KLF12: variants seen among roughly 807,000 people sequenced by gnomAD.
KLF12 encodes the protein Krueppel-like factor 12.
Under a neutral mutation model 37.8 loss-of-function variants are expected in KLF12, and 9 were observed. The observed-to-expected ratio is 0.24, with a 90% CI of 0.14 to 0.42. The LOEUF is 0.42. Ranked by LOEUF, KLF12 falls within the 10% of genes least tolerant of loss-of-function variation. The pLI, the probability that KLF12 is intolerant of heterozygous loss-of-function variation, is 1.00. For missense variants in KLF12, 411 were observed against 516.0 expected (o/e 0.80, Z 1.97); for synonymous variants, 208 against 202.1 (o/e 1.03, Z -0.25).
intron 6 of KLF12, among the ~76,000 whole-genome samples, chr13:73,762,015 GCTTGCTACCTTTAATTAATTCAATA>G (rs1425317594): frequency 6.6e-6 from 1 of 152,182 alleles, no homozygotes; most frequent in Non-Finnish European, 1.5e-5. Context: ...GTCTGGCCTG[GCTTGCTACCTTTAATTAATTCAATA>G]CTAAATGAGT....
the KLF12 span, among the ~76,000 whole-genome samples, chr13:74,171,980 T>G: frequency 6.6e-6 from 1 of 152,212 alleles, no homozygotes; most frequent in Non-Finnish European, 1.5e-5. Flanking sequence ...CCCACCATTC[T>G]AATGAGGCTA....
intron 1 of KLF12, among the ~76,000 whole-genome samples, chr13:74,051,341 AACACACACACACACACAC>A (rs10678885): frequency 1.4e-5 from 2 of 143,690 alleles, no homozygotes; most frequent in South Asian, 4.6e-4. Context: ...TACACACACA[AACACACACACACACACAC>A]ACACACACAC....
intron 1 of KLF12, among the ~76,000 whole-genome samples, chr13:74,072,385 AT>A (rs1874312876): frequency 1.5e-5 from 2 of 129,606 alleles, no homozygotes; most frequent in African/African-American, 5.5e-5. Context: ...ATATATATAT[AT>A]ATATATATAT....
chr13:74,147,078 A>G, the KLF12 span, among the ~76,000 whole-genome samples: 1 of 152,236 alleles, frequency 6.6e-6, no homozygotes, highest in Non-Finnish European at 1.5e-5. Context: ...CTGAATTGCC[A>G]TTGAAGGCTT....
At chr13:74,182,029 G>T in the KLF12 span, among the ~76,000 whole-genome samples, 8 of 152,148 alleles carry the variant, frequency 5.3e-5, no homozygotes, top group Admixed American at 4.6e-4. Context: ...ATTCACAGTT[G>T]AAATGGCATA....
At chr13:74,175,455 G>A in the KLF12 span, among the ~76,000 whole-genome samples, 167 of 152,286 alleles carry the variant, frequency 1.1e-3, no homozygotes, top group African/African-American at 3.9e-3. Context: ...AATATCTTGT[G>A]CTTCCCATGG....
At chr13:74,036,935 G>A (rs370249930) in intron 1 of KLF12, among the ~76,000 whole-genome samples, 13 of 152,240 alleles carry the variant, frequency 8.5e-5, no homozygotes, top group East Asian at 3.9e-4. Flanking sequence ...GCCAGGAGCC[G>A]TGGCTCACGC....
intron 1 of KLF12, among the ~76,000 whole-genome samples, chr13:74,077,363 G>T (rs1016856436): frequency 1.3e-5 from 2 of 152,010 alleles, no homozygotes; most frequent in African/African-American, 4.8e-5. Flanking sequence ...TCTTTTTCAT[G>T]TTCTTCTATA....
the KLF12 span, among the ~76,000 whole-genome samples, chr13:74,185,880 G>A: frequency 6.6e-6 from 1 of 152,126 alleles, no homozygotes; most frequent in Non-Finnish European, 1.5e-5. Context: ...CTGACCTCAA[G>A]TGATCTGCCT....
intron 4 of KLF12, among the ~76,000 whole-genome samples, chr13:73,829,196 T>A (rs1440126908): frequency 6.6e-6 from 1 of 152,170 alleles, no homozygotes; most frequent in Admixed American, 6.5e-5. Context: ...ATTAATCACA[T>A]GAATAAGTGA....
chr13:74,109,684 G>C (rs953072944), intron 1 of KLF12, among the ~76,000 whole-genome samples: 1 of 152,032 alleles, frequency 6.6e-6, no homozygotes. Flanking sequence ...AAAATAAAAA[G>C]ACAGTTCTTT....
chr13:74,160,803 C>T, the KLF12 span, among the ~76,000 whole-genome samples: 9 of 152,086 alleles, frequency 5.9e-5, no homozygotes, highest in South Asian at 4.1e-4. Flanking sequence ...CAATTTGAGC[C>T]GGGTTTGGCC....
the KLF12 span, among the ~76,000 whole-genome samples, chr13:74,224,710 T>A: frequency 2.0e-5 from 3 of 152,132 alleles, no homozygotes; most frequent in African/African-American, 7.2e-5. Flanking sequence ...ATTTTCTTCC[T>A]CTCAAACTGT....
chr13:73,805,610 A>G (rs112713037), intron 5 of KLF12, among the ~76,000 whole-genome samples: 15,552 of 66,746 alleles, frequency 0.23, 2,629 homozygotes, highest in East Asian at 0.56. Flanking sequence ...TGTCAGAAGG[A>G]AGGGAGGGAG....
intron 3 of KLF12, among the ~76,000 whole-genome samples, chr13:73,917,817 C>T (rs1404510520): frequency 6.6e-6 from 1 of 152,054 alleles, no homozygotes; most frequent in East Asian, 1.9e-4. Context: ...AGCATCTAGG[C>T]CAATGTCTTG....
chr13:73,924,377 G>C (rs1889276736), intron 3 of KLF12, among the ~76,000 whole-genome samples: 1 of 152,020 alleles, frequency 6.6e-6, no homozygotes, highest in Admixed American at 6.6e-5. Flanking sequence ...TTACATTTTG[G>C]TTTAGTAATT....
chr13:74,177,569 G>C, the KLF12 span, among the ~76,000 whole-genome samples: 1 of 152,046 alleles, frequency 6.6e-6, no homozygotes, highest in African/African-American at 2.4e-5. Context: ...TTACTTATAA[G>C]TTATGGGAAG....
intron 7 of KLF12, among the ~76,000 whole-genome samples, chr13:73,704,589 T>C (rs1042952574): frequency 6.6e-5 from 10 of 152,248 alleles, no homozygotes; most frequent in African/African-American, 2.2e-4. Context: ...GACCAGTTTC[T>C]AATGATTCTG....
intron 2 of KLF12, among the ~76,000 whole-genome samples, chr13:73,967,557 C>G (rs73222715): frequency 0.042 from 6,449 of 152,230 alleles, 185 homozygotes; most frequent in Middle Eastern, 0.065. Flanking sequence ...CCATACAACC[C>G]TTAAGGTGTA....
Sources: allele counts gnomAD v4.1 joint callset (sites outside exome capture counted in the v4.1 genomes callset), GRCh38; gene constraint gnomAD v4.1.1; transcripts MANE v1.5; gene names NCBI Gene and HGNC (gene_info 2026-07-23, HGNC 2026-07-21).